Variants in POLA2 observed in about 807,000 individuals in gnomAD.
POLA2 encodes the protein DNA polymerase alpha 2, accessory subunit.
In POLA2, 47 loss-of-function variants were observed where a neutral mutation model predicts 82.8. The ratio of observed to expected loss-of-function variants is 0.57; its 90% CI spans 0.45 to 0.72. The LOEUF (loss-of-function observed/expected upper bound fraction) is 0.72, where lower values mean the gene tolerates loss of function less well. Ranked by LOEUF, POLA2 falls within the 30% of genes least tolerant of loss-of-function variation. The probability of loss-of-function intolerance (pLI) is 0.00; values close to 1 mark genes in which losing one functional copy is unlikely to be tolerated. For synonymous variants in POLA2, 287 were observed against 286.8 expected, an observed-to-expected ratio of 1.00 and a Z score of -0.01; for missense variants, 634 against 728.1, an observed-to-expected ratio of 0.87 and a Z score of 1.49.
chr11:65,276,132 A>C, intron 5 of POLA2, 134 bp downstream of exon 5: 1 of 468,886 alleles, frequency 2.1e-6, no homozygotes, highest in Admixed American at 4.3e-5. Flanking sequence ...AATTGGCTTG[A>C]AAGCCTATTG....
chr11:65,262,318 C>T lies in POLA2; in HGVS notation c.26C>T (p.Ala9Val). MSASAQQLAEELQIFGLDC... is the reference protein window; with the variant it reads MSASAQQLVEELQIFGLDC... ...ATGTCCGCATCCGCCCAGCAGCTGGCGGAGGAGCTGCAGATCTTCGGCCTA... is the reference window on the plus strand; with the variant it reads ...ATGTCCGCATCCGCCCAGCAGCTGGTGGAGGAGCTGCAGATCTTCGGCCTA... Residue 9 changes from alanine to valine, a missense_variant, in exon 1 of 18, where the codon GCG becomes GTG. Physicochemically the swap from Ala to Val is moderately conservative, Grantham distance 64. Coordinates refer to ENST00000265465, the MANE Select transcript of POLA2 (RefSeq NM_002689.4). 6.2e-7 allele frequency: 1 copy of T among 1,613,566 alleles called. No homozygotes were observed. Among genetic ancestry groups the T allele is most frequent in the Non-Finnish European group, 8.5e-7 (1 of 1,179,744 alleles).
chr11:65,296,936 G>A (rs1398761314), intron 17 of POLA2, among the ~76,000 whole-genome samples, 184 bp from the exon 18 acceptor site: 7 of 144,350 alleles, frequency 4.8e-5, no homozygotes, highest in Admixed American at 2.1e-4. Flanking sequence ...GCAACAGAGC[G>A]AGACTCCATC....
intron 1 of POLA2, 143 bp downstream of exon 1, chr11:65,262,514 AAC>A: frequency 1.5e-6 from 1 of 666,894 alleles, no homozygotes; most frequent in South Asian, 2.0e-5. Context: ...TGAAGAATCA[AAC>A]TTGAGTTTTG....
At chr11:65,305,424 G>A in exon 9 of POLA2, 1 of 456,098 alleles carries the variant, frequency 2.2e-6, no homozygotes, top group Middle Eastern at 3.3e-4. Flanking sequence ...CCAGGGGCTG[G>A]TGAGCCTGAG....
intron 13 of POLA2, among the ~76,000 whole-genome samples, chr11:65,290,248 CAA>C (rs34183279): frequency 0.013 from 940 of 71,204 alleles, 11 homozygotes; most frequent in African/African-American, 0.043. Context: ...AACTCCATCT[CAA>C]AAAAAAAAAA....
At chr11:65,285,783 G>C (rs1277855259) in intron 10 of POLA2, among the ~76,000 whole-genome samples, 1 of 152,046 alleles carries the variant, frequency 6.6e-6, no homozygotes, top group African/African-American at 2.4e-5. Context: ...GGCACTCATG[G>C]AGATACAGAA....
downstream of POLA2, among the ~76,000 whole-genome samples, chr11:65,303,298 C>T (rs1280808132): frequency 6.8e-6 from 1 of 148,038 alleles, no homozygotes; most frequent in Admixed American, 6.8e-5. Flanking sequence ...GCGGAGATCG[C>T]ACCACTGCAC....
At chr11:65,305,476 C>T (rs1949882441) in exon 9 of POLA2, 1 of 442,246 alleles carries the variant, frequency 2.3e-6, no homozygotes, top group African/African-American at 2.0e-5. Context: ...TGGTACCTGG[C>T]ACAGTCTCCA....
Position 65,280,915 on chromosome 11 carries a change from A to G in POLA2, c.745-77A>G, listed in dbSNP as rs1011429603. On this transcript the variant is annotated intron_variant, in intron 7 of 17. Coordinates refer to ENST00000265465, the MANE Select transcript of POLA2 (RefSeq NM_002689.4). Reference sequence around the variant, plus strand: ...TTTGTTGTTTGCAGTTTGTTTTGCTATTCACCCTATCGACTTCAGATTTTG... The same window carrying G: ...TTTGTTGTTTGCAGTTTGTTTTGCTGTTCACCCTATCGACTTCAGATTTTG... 8 of 1,432,110 alleles carry G rather than the reference A, an allele frequency of 5.6e-6. No homozygotes were observed. In the African/African-American group the frequency reaches 5.7e-5, roughly 10 times the overall value. 88.7% of individuals were successfully genotyped at this position (1,432,110 alleles called of 1,614,324 possible). A position where few individuals can be genotyped will look rare whatever the true frequency, so the allele number is the denominator to read the frequency against.
chr11:65,289,378 G>GTC (rs1354361454), intron 12 of POLA2, among the ~76,000 whole-genome samples: 3 of 152,206 alleles, frequency 2.0e-5, no homozygotes, highest in African/African-American at 7.2e-5. Flanking sequence ...AAATGCAGGT[G>GTC]TCTGGCAGTC....
intron 13 of POLA2, among the ~76,000 whole-genome samples, chr11:65,290,291 C>T (rs1341432163): frequency 1.3e-5 from 2 of 149,080 alleles, no homozygotes; most frequent in Admixed American, 6.7e-5. Flanking sequence ...GGCTCACGCA[C>T]TTTGGGAGGC....
chr11:65,274,895 G>A (rs999931195), intron 4 of POLA2, among the ~76,000 whole-genome samples: 5 of 152,014 alleles, frequency 3.3e-5, no homozygotes, highest in African/African-American at 1.2e-4. Flanking sequence ...AGGTCTCGCC[G>A]TTGCCCAGGC....
In POLA2 at chr11:65,281,047, A is replaced by C; in HGVS notation, c.800A>C (p.Asn267Thr). 6.2e-7 allele frequency: 1 copy of C among 1,614,144 alleles called. No individual in the cohort carries two copies. The highest frequency in any genetic ancestry group is 1.7e-5 in the Admixed American group (1 of 60,020). ...TGTGATAGCAACGGGAAGCTGAACA[A>C]CAAGTCAGTGATTCTCGAGGGAGAC... ...IGCDSNGKLN[N>T]KSVILEGDRE... The change falls in exon 8 of 18, where the codon AAC becomes ACC. Residue 267 changes from asparagine to threonine, a missense_variant. By Grantham distance (65) the Asn-to-Thr change is moderately conservative. Coordinates refer to ENST00000265465, the MANE Select transcript of POLA2 (RefSeq NM_002689.4).
At chr11:65,303,072 G>C (rs1287525265), downstream of POLA2, among the ~76,000 whole-genome samples, 1 of 152,126 alleles carries the variant, frequency 6.6e-6, no homozygotes, top group South Asian at 2.1e-4. Context: ...GCCAGGCGCG[G>C]TGGCTGACGC....
rs951556748 is a variant in POLA2 at position 65,275,912 on chromosome 11, C to T, written c.375C>T (p.Ile125=). Residue 125 remains isoleucine, a synonymous_variant, in exon 5 of 18, where the codon ATC becomes ATT. Transcript: ENST00000265465. The stretch of plus-strand genomic sequence containing the variant: ...CCTAGGGTTCTCAGAAGCGAGCTAT[C>T]TCTACCCCAGAAACCCCCCTAACAA... The part of the protein sequence containing the change: ...TPSKGSQKRA[I]STPETPLTKR... 1.6e-5 allele frequency: 25 copies of T among 1,607,382 alleles called. No individual in the cohort carries two copies. Among genetic ancestry groups the T allele is most frequent in the Non-Finnish European group, 2.0e-5 (23 of 1,176,538 alleles).
chr11:65,296,388 T>A lies in POLA2; in HGVS notation c.1647+398T>A, dbSNP rs370287759. 21 of 200,148 alleles carry A rather than the reference T, an allele frequency of 1.0e-4. No individual in the cohort carries two copies. In the East Asian group the frequency reaches 2.6e-3, roughly 25 times the overall value. 12.4% of individuals were successfully genotyped at this position (200,148 alleles called of 1,614,324 possible). On this transcript the variant is annotated intron_variant, in intron 17 of 17. Coordinates refer to ENST00000265465, the MANE Select transcript of POLA2 (RefSeq NM_002689.4). Reference sequence around the variant, plus strand: ...ATACCTTGAAGAAGCTATTGGGTCATTTTGATCTCTGCCACCCTTTAGCCC... The same window carrying A: ...ATACCTTGAAGAAGCTATTGGGTCAATTTGATCTCTGCCACCCTTTAGCCC...
Position 65,267,571 on chromosome 11 carries a change from A to G in POLA2, c.296+3A>G. On this transcript the variant is annotated splice_donor_region_variant and intron_variant, in intron 3 of 17. Coordinates refer to ENST00000265465, the MANE Select transcript of POLA2 (RefSeq NM_002689.4). Reference sequence around the variant, plus strand: ...GACATTGTTTCCATTCAAGAGCTGTATCCTTTTCTGCTGAAGGTCTTTGCA... The same window carrying G: ...GACATTGTTTCCATTCAAGAGCTGTGTCCTTTTCTGCTGAAGGTCTTTGCA... 1 of 1,582,012 alleles carries G rather than the reference A, an allele frequency of 6.3e-7. No homozygotes were observed. The highest frequency in any genetic ancestry group is 8.7e-7 in the Non-Finnish European group (1 of 1,154,330).
intron 7 of POLA2, 181 bp from the exon 8 acceptor site, chr11:65,280,811 C>T: frequency 1.7e-6 from 1 of 592,684 alleles, no homozygotes; most frequent in Non-Finnish European, 3.0e-6. Flanking sequence ...GATGCCCTTT[C>T]AGAGTTCTTC....
rs753643599 is a variant in POLA2, at chr11:65,278,830, G to A, written c.562G>A (p.Ala188Thr). The A allele has an allele frequency of 6.8e-6, 11 of 1,613,764 alleles. No homozygotes were observed. In the African/African-American group the frequency reaches 9.3e-5, roughly 14 times the overall value. Reference sequence around the variant, plus strand: ...AGTATCTTGGTCTGGGAGAGGAGGAGCTGGAAACATCAGCCTGAAGGTCTT... The same window carrying A: ...AGTATCTTGGTCTGGGAGAGGAGGAACTGGAAACATCAGCCTGAAGGTCTT... ...QGVSWSGRGG[A>T]GNISLKVLGC... Residue 188 changes from alanine (A) to threonine (T), a missense_variant, in exon 6 of 18, where the codon GCT becomes ACT. Physicochemically the swap from Ala to Thr is moderately conservative, Grantham distance 58. Coordinates refer to ENST00000265465, the MANE Select transcript of POLA2 (RefSeq NM_002689.4).
Sources: gnomAD v4.1 joint callset for allele counts (sites outside exome capture counted in the v4.1 genomes callset) on GRCh38, gnomAD v4.1.1 for gene constraint, MANE v1.5 for transcripts, NCBI Gene and HGNC (gene_info 2026-07-23, HGNC 2026-07-21) for gene names.